Variants in CTNND2 observed in about 807,000 individuals in gnomAD.
CTNND2 encodes catenin delta 2, also known as catenin delta-2.
Under a neutral mutation model 144.4 loss-of-function variants are expected in CTNND2, and 22 were observed. The observed-to-expected ratio is 0.15, with a 90% CI of 0.11 to 0.22. The LOEUF (loss-of-function observed/expected upper bound fraction) is 0.22. Ranked by LOEUF, CTNND2 falls within the 10% of genes least tolerant of loss-of-function variation. The probability of loss-of-function intolerance (pLI) is 1.00; values close to 1 mark genes in which losing one functional copy is unlikely to be tolerated. For synonymous variants in CTNND2, 751 were observed against 695.6 expected (o/e 1.08, Z -1.25); for missense variants, 1,353 against 1,618.8 (o/e 0.84, Z 2.82).
chr5:11,166,931 G>A (rs1311449185), intron 11 of CTNND2, among the ~76,000 whole-genome samples: 3 of 152,174 alleles, frequency 2.0e-5, no homozygotes, highest in African/African-American at 4.8e-5. Context: ...TTGAGTCGAT[G>A]TTAGATAGAG....
intron 20 of CTNND2, among the ~76,000 whole-genome samples, chr5:10,982,192 G>A (rs184680590): frequency 1.3e-5 from 2 of 152,352 alleles, no homozygotes; most frequent in African/African-American, 4.8e-5. Context: ...CTGCACTGAA[G>A]CATGCAGGAG....
intron 7 of CTNND2, among the ~76,000 whole-genome samples, chr5:11,379,064 G>A (rs557040453): frequency 3.3e-5 from 5 of 152,178 alleles, no homozygotes; most frequent in Admixed American, 2.6e-4. Context: ...CAACTTCAAT[G>A]CATGTCTACA....
chr5:11,338,597 G>A (rs976748758), intron 9 of CTNND2, among the ~76,000 whole-genome samples: 4 of 152,200 alleles, frequency 2.6e-5, no homozygotes, highest in Non-Finnish European at 5.9e-5. Context: ...CATCAGGCAT[G>A]ATTGCCTGTC....
intron 1 of CTNND2, among the ~76,000 whole-genome samples, chr5:11,858,529 C>A (rs1795350807): frequency 6.6e-6 from 1 of 152,206 alleles, no homozygotes; most frequent in Non-Finnish European, 1.5e-5. Context: ...ACGAACCCTG[C>A]AGATAACTTA....
chr5:11,492,072 C>T (rs1014127408), intron 3 of CTNND2, among the ~76,000 whole-genome samples: 2 of 152,102 alleles, frequency 1.3e-5, no homozygotes, highest in African/African-American at 4.8e-5. Flanking sequence ...AGATGGAAAC[C>T]GGGTATAGCA....
intron 2 of CTNND2, among the ~76,000 whole-genome samples, chr5:11,668,555 GCT>G (rs374814994): frequency 0.18 from 26,970 of 151,888 alleles, 4,138 homozygotes; most frequent in African/African-American, 0.42. Context: ...TCATGATTTG[GCT>G]CTCTGTTTGT....
intron 3 of CTNND2, among the ~76,000 whole-genome samples, chr5:11,447,342 C>CAAAA (rs1166103735): frequency 3.2e-5 from 3 of 95,204 alleles, no homozygotes; most frequent in Non-Finnish European, 7.0e-5. Flanking sequence ...ATGCCGTTTA[C>CAAAA]AAAAAAAAAA....
At chr5:11,847,966 G>A (rs957458461) in intron 1 of CTNND2, among the ~76,000 whole-genome samples, 1 of 151,720 alleles carries the variant, frequency 6.6e-6, no homozygotes, top group Non-Finnish European at 1.5e-5. Context: ...AAAACTGGAC[G>A]GCGTTTAGAA....
chr5:11,255,808 T>C (rs1005347346), intron 9 of CTNND2, among the ~76,000 whole-genome samples: 1 of 152,194 alleles, frequency 6.6e-6, no homozygotes. Flanking sequence ...CTCCCATTGC[T>C]GGAGCCATGG....
At chr5:11,372,805 T>C (rs1757583070) in intron 7 of CTNND2, among the ~76,000 whole-genome samples, 1 of 152,218 alleles carries the variant, frequency 6.6e-6, no homozygotes, top group South Asian at 2.1e-4. Context: ...TCTCAGGCAA[T>C]GCTGGCGCTG....
chr5:11,887,439 T>G (rs1163038757), intron 1 of CTNND2, among the ~76,000 whole-genome samples: 2 of 151,996 alleles, frequency 1.3e-5, no homozygotes, highest in East Asian at 3.9e-4. Flanking sequence ...TAGGACATAG[T>G]CTAACCCCAC....
chr5:11,120,824 T>C (rs1580342668), intron 12 of CTNND2, among the ~76,000 whole-genome samples: 2 of 152,290 alleles, frequency 1.3e-5, no homozygotes, highest in South Asian at 4.2e-4. Flanking sequence ...TACATTTTTA[T>C]ATAAACTGTC....
intron 5 of CTNND2, among the ~76,000 whole-genome samples, chr5:11,408,035 A>G (rs1484061971): frequency 6.6e-6 from 1 of 151,974 alleles, no homozygotes; most frequent in African/African-American, 2.4e-5. Flanking sequence ...AGAGATTATG[A>G]CATTGATTCC....
At chr5:11,033,851 C>T (rs1280108832) in intron 16 of CTNND2, among the ~76,000 whole-genome samples, 1 of 152,008 alleles carries the variant, frequency 6.6e-6, no homozygotes, top group Non-Finnish European at 1.5e-5. Context: ...ACAACAACAA[C>T]AACATCTTTC....
At chr5:11,245,540 G>A (rs1437855049) in intron 9 of CTNND2, among the ~76,000 whole-genome samples, 1 of 152,134 alleles carries the variant, frequency 6.6e-6, no homozygotes, top group Non-Finnish European at 1.5e-5. Context: ...GCCAAGGGGT[G>A]CAAGGAATGC....
Position 11,732,985 on chromosome 5 carries a change from T to A in CTNND2, c.38-713A>T, listed in dbSNP as rs191204782. Reference sequence around the variant, plus strand: ...TGGGTTCGTAGAGCTTCTGGAGAGCTAACCACCTGGAGGTTCCTGGAAAGT... The same window carrying A: ...TGGGTTCGTAGAGCTTCTGGAGAGCAAACCACCTGGAGGTTCCTGGAAAGT... On this transcript the variant is annotated intron_variant, in intron 1 of 21. Transcript: ENST00000304623. Among the ~76,000 whole-genome samples the A allele has an allele frequency of 7.9e-5, 12 of 152,250 alleles. No homozygotes were observed. The East Asian group carries it at 2.3e-3, about 29-fold the overall frequency.
In CTNND2 at chr5:11,382,470, G is replaced by A. The variant is rs114754626; in HGVS notation, c.1177+2195C>T. ...AAAAATTAGCCAGGCGTGGGGGCAG[G>A]TGACTGTAATCCCAGCTATCGGGAG... On this transcript the variant is annotated intron_variant, in intron 7 of 21. Transcript: ENST00000304623. 2.3e-3 allele frequency among the ~76,000 whole-genome samples: 346 copies of A among 152,178 alleles called. 2 individuals carry two copies. The highest frequency in any genetic ancestry group is 7.6e-3 in the African/African-American group (315 of 41,536).
At chr5:11,802,101 C>A (rs554817547) in intron 1 of CTNND2, among the ~76,000 whole-genome samples, 2 of 151,954 alleles carry the variant, frequency 1.3e-5, no homozygotes, top group East Asian at 1.9e-4. Flanking sequence ...GGTGAAACCC[C>A]ATCTCTACTA....
In CTNND2 at chr5:11,827,570, A is replaced by C. The variant is rs754391467; in HGVS notation, c.37+76247T>G. The stretch of plus-strand genomic sequence containing the variant: ...CATCAAGCAAGAAAAAGATAGAGAA[A>C]ACATAAAATACTGAAGTCAGGGAAA... On this transcript the variant is annotated intron_variant, in intron 1 of 21. Coordinates refer to ENST00000304623, the MANE Select transcript of CTNND2 (RefSeq NM_001332.4). 3.9e-4 allele frequency among the ~76,000 whole-genome samples: 60 copies of C among 152,316 alleles called. 1 individual carries two copies. Among genetic ancestry groups the C allele is most frequent in the Non-Finnish European group, 7.6e-4 (52 of 68,026 alleles).
Sources: allele counts gnomAD v4.1 joint callset (sites outside exome capture counted in the v4.1 genomes callset), GRCh38; gene constraint gnomAD v4.1.1; transcripts MANE v1.5; gene names NCBI Gene and HGNC (gene_info 2026-07-23, HGNC 2026-07-21).